The following DTNA variants were observed in gnomAD, a reference collection of about 807,000 sequenced individuals.
DTNA encodes the protein dystrophin-related protein 3.
Under a neutral mutation model 100.7 loss-of-function variants are expected in DTNA, and 43 were observed. The observed-to-expected ratio is 0.43, with a 90% CI of 0.33 to 0.55. The LOEUF (loss-of-function observed/expected upper bound fraction) is 0.55, where lower values mean the gene tolerates loss of function less well. DTNA is among the 20% of genes least tolerant of loss of function. The pLI, the probability that DTNA is intolerant of heterozygous loss-of-function variation, is 0.04. For missense variants in DTNA, 798 were observed against 953.9 expected, an observed-to-expected ratio of 0.84 and a Z score of 2.15; for synonymous variants, 349 against 347.9, an observed-to-expected ratio of 1.00 and a Z score of -0.04.
rs143877334 is a variant in DTNA, at chr18:34,569,886, T to TACAC, written c.-2+76392_-2+76395dup. 3.7e-3 allele frequency among the ~76,000 whole-genome samples: 542 copies of TACAC among 147,310 alleles called. 4 individuals are homozygous for TACAC. The highest frequency in any genetic ancestry group is 0.012 in the African/African-American group (506 of 40,482). On this transcript the variant is annotated intron_variant, in intron 1 of 19. Transcript: ENST00000283365. ...TGTTAATTTCATACACATACACACA[T>TACAC]ACACACACACACACACACACACAAA... is the stretch of plus-strand genomic sequence containing the variant.
chr18:34,871,715 A>G (rs1012574323), intron 17 of DTNA, among the ~76,000 whole-genome samples: 16 of 152,208 alleles, frequency 1.1e-4, no homozygotes, highest in Non-Finnish European at 2.4e-4. Context: ...TGTTCCTACA[A>G]GAACAGAACA....
At chr18:34,809,004 C>A (rs936335467) in intron 5 of DTNA, among the ~76,000 whole-genome samples, 3 of 152,114 alleles carry the variant, frequency 2.0e-5, no homozygotes, top group African/African-American at 7.2e-5. Context: ...ATAGTTAATC[C>A]TGGGAAGATG....
chr18:34,647,819 A>C (rs568667905), intron 1 of DTNA, among the ~76,000 whole-genome samples: 2 of 152,250 alleles, frequency 1.3e-5, no homozygotes, highest in African/African-American at 4.8e-5. Flanking sequence ...AGCTTGGAAC[A>C]TGCCTCTCTG....
At chr18:34,877,196 A>G (rs1400745440) in intron 18 of DTNA, among the ~76,000 whole-genome samples, 1 of 152,182 alleles carries the variant, frequency 6.6e-6, no homozygotes, top group Admixed American at 6.5e-5. Flanking sequence ...CCCAAGTGGT[A>G]CTTACACTGG....
intron 1 of DTNA, among the ~76,000 whole-genome samples, chr18:34,611,713 G>T (rs957335892): frequency 6.6e-6 from 1 of 152,166 alleles, no homozygotes; most frequent in South Asian, 2.1e-4. Context: ...TTCTTGGTTT[G>T]GGGACCTGGT....
In DTNA at chr18:34,836,589, A is replaced by C. The variant is rs376456808; in HGVS notation, c.1176-1505A>C. ...CTTGAACCTTGAAGGCAGAGGTTGC[A>C]GTGAGCCAAGATCTCACCACTGCAC... On this transcript the variant is annotated intron_variant, in intron 11 of 22. Coordinates refer to ENST00000444659, the MANE Select transcript of DTNA (RefSeq NM_001386795.1). 2.7e-3 allele frequency among the ~76,000 whole-genome samples: 407 copies of C among 149,212 alleles called. 7 individuals are homozygous for C. Among genetic ancestry groups the C allele is most frequent in the African/African-American group, 9.9e-3 (399 of 40,120 alleles).
intron 1 of DTNA, among the ~76,000 whole-genome samples, chr18:34,642,585 A>G (rs900355980): frequency 6.9e-6 from 1 of 145,024 alleles, no homozygotes; most frequent in Non-Finnish European, 1.5e-5. Flanking sequence ...CTTTCAACGG[A>G]GTCTCGCTCT....
chr18:34,868,442 G>A, intron 17 of DTNA: 1 of 978,420 alleles, frequency 1.0e-6, no homozygotes, highest in Non-Finnish European at 1.2e-6. Flanking sequence ...GACTTCTCAT[G>A]GTAAAACATG....
chr18:34,868,610 G>C (rs186007310), intron 17 of DTNA: 1 of 985,314 alleles, frequency 1.0e-6, no homozygotes, highest in East Asian at 1.1e-4. Context: ...ACCTCTACTT[G>C]CTTTATCATA....
intron 1 of DTNA, among the ~76,000 whole-genome samples, chr18:34,743,191 G>C (rs1440319958): frequency 6.6e-6 from 1 of 152,156 alleles, no homozygotes; most frequent in Non-Finnish European, 1.5e-5. Flanking sequence ...GTCATAGCCA[G>C]TCAACGCTGG....
At chr18:34,595,633 A>C (rs903260430) in intron 1 of DTNA, among the ~76,000 whole-genome samples, 1 of 152,096 alleles carries the variant, frequency 6.6e-6, no homozygotes, top group Non-Finnish European at 1.5e-5. Context: ...TGTTTCTATT[A>C]TTACTCTTCC....
intron 1 of DTNA, among the ~76,000 whole-genome samples, chr18:34,736,877 G>A (rs1048329519): frequency 2.0e-5 from 3 of 152,124 alleles, no homozygotes; most frequent in African/African-American, 4.8e-5. Context: ...GACAAAACCT[G>A]GGGGATAACT....
At chr18:34,745,026 G>C (rs1413560818) in intron 1 of DTNA, among the ~76,000 whole-genome samples, 1 of 152,006 alleles carries the variant, frequency 6.6e-6, no homozygotes, top group Non-Finnish European at 1.5e-5. Flanking sequence ...CCAACCTTAT[G>C]GTGTTCTTAC....
intron 8 of DTNA, among the ~76,000 whole-genome samples, chr18:34,820,558 G>T (rs1368435602): frequency 6.6e-6 from 1 of 152,136 alleles, no homozygotes; most frequent in Admixed American, 6.5e-5. Flanking sequence ...CAGCGCAGGT[G>T]CCCCATGCAC....
intron 17 of DTNA, chr18:34,867,065 C>A: frequency 8.1e-7 from 1 of 1,229,658 alleles, no homozygotes; most frequent in Non-Finnish European, 1.0e-6. Context: ...GCATGTACCA[C>A]GCTATGTATG....
chr18:34,616,330 A>C (rs1173909366), intron 1 of DTNA, among the ~76,000 whole-genome samples: 1 of 152,242 alleles, frequency 6.6e-6, no homozygotes, highest in East Asian at 1.9e-4. Flanking sequence ...ATGGAAAAAC[A>C]GTTGCAACAA....
chr18:34,598,233 C>A (rs1465781481), intron 1 of DTNA, among the ~76,000 whole-genome samples: 1 of 145,258 alleles, frequency 6.9e-6, no homozygotes. Context: ...TTTTTTTTTA[C>A]CAAATGTGAT....
intron 3 of DTNA, among the ~76,000 whole-genome samples, chr18:34,780,643 A>T (rs2094278427): frequency 6.6e-6 from 1 of 152,236 alleles, no homozygotes; most frequent in Non-Finnish European, 1.5e-5. Flanking sequence ...AAACATGGTC[A>T]TAATCATCAT....
intron 1 of DTNA, among the ~76,000 whole-genome samples, chr18:34,613,970 C>T (rs1291201546): frequency 2.6e-5 from 4 of 152,186 alleles, no homozygotes; most frequent in Non-Finnish European, 5.9e-5. Context: ...GATGCAAAGC[C>T]AATGCCTGCC....
Sources: gnomAD v4.1 joint callset for allele counts (sites outside exome capture counted in the v4.1 genomes callset) on GRCh38, gnomAD v4.1.1 for gene constraint, MANE v1.5 for transcripts, NCBI Gene and HGNC (gene_info 2026-07-23, HGNC 2026-07-21) for gene names.